Variants in WDFY4 observed in about 807,000 individuals in gnomAD.
WDFY4 encodes the protein WDFY family member 4.
WDFY4 carries 169 observed loss-of-function variants against 351.9 expected under a neutral mutation model. The observed-to-expected ratio is 0.48, with a 90% CI of 0.42 to 0.55. The LOEUF is 0.55. Among genes scored for constraint, WDFY4 ranks in the 20% least tolerant of loss-of-function variants. The pLI, the probability that WDFY4 is intolerant of heterozygous loss-of-function variation, is 0.00. For synonymous variants in WDFY4, 1,622 were observed against 1,574.6 expected, an observed-to-expected ratio of 1.03 and a Z score of -0.71; for missense variants, 3,803 against 3,935.6, an observed-to-expected ratio of 0.97 and a Z score of 0.90.
At chr10:48,842,189 C>T (rs2068629497) in intron 39 of WDFY4, among the ~76,000 whole-genome samples, 2 of 151,874 alleles carry the variant, frequency 1.3e-5, no homozygotes, top group East Asian at 1.9e-4. Context: ...AGAGACTGTC[C>T]TTTGTCCCCT....
chr10:48,780,916 T>C (rs1450378643), intron 19 of WDFY4, among the ~76,000 whole-genome samples: 1 of 152,222 alleles, frequency 6.6e-6, no homozygotes, highest in Non-Finnish European at 1.5e-5. Context: ...GACAACTTAC[T>C]AATGTTTGTA....
chr10:48,848,707 C>A (rs35085842), intron 39 of WDFY4, among the ~76,000 whole-genome samples: 19,479 of 152,168 alleles, frequency 0.13, 1,370 homozygotes, highest in Middle Eastern at 0.21. Context: ...CTGATTTTGG[C>A]GGGCTGGTGG....
chr10:48,717,164 T>G (rs2063936772), intron 2 of WDFY4, among the ~76,000 whole-genome samples: 1 of 152,236 alleles, frequency 6.6e-6, no homozygotes, highest in Admixed American at 6.5e-5. Flanking sequence ...GGAAGTGTAA[T>G]GCATAGTGTA....
intron 35 of WDFY4, chr10:48,823,104 A>G: frequency 7.8e-7 from 1 of 1,287,878 alleles, no homozygotes. Context: ...AGGTGTATGT[A>G]TGTGCATGCA....
intron 31 of WDFY4, among the ~76,000 whole-genome samples, chr10:48,814,674 G>A (rs1457772865): frequency 2.6e-5 from 4 of 152,204 alleles, no homozygotes; most frequent in Admixed American, 2.6e-4. Context: ...CATCCTGTAG[G>A]CACCAAAGGC....
chr10:48,967,750 T>A (rs994368350), intron 55 of WDFY4: 2 of 152,246 alleles, frequency 1.3e-5, no homozygotes, highest in Admixed American at 6.5e-5. Flanking sequence ...GCCAGTGTCA[T>A]CTGAGGACAT....
At chr10:48,778,979 T>A (rs757365974) in intron 18 of WDFY4, 147 bp downstream of exon 18, 1 of 843,202 alleles carries the variant, frequency 1.2e-6, no homozygotes, top group Non-Finnish European at 1.8e-6. Flanking sequence ...GTTCCATACC[T>A]GGTGAAAGGT....
At chr10:48,965,352 C>G (rs927620340) in intron 54 of WDFY4, among the ~76,000 whole-genome samples, 3 of 152,158 alleles carry the variant, frequency 2.0e-5, no homozygotes, top group African/African-American at 7.2e-5. Context: ...AGTCTGAAGA[C>G]AAGATTGCAG....
Position 48,709,854 on chromosome 10 carries a change from C to G in WDFY4, c.122C>G (p.Thr41Arg). 2 of 1,551,922 alleles carry G rather than the reference C, an allele frequency of 1.3e-6. No individual in the cohort carries two copies. Among genetic ancestry groups the G allele is most frequent in the Non-Finnish European group, 1.7e-6 (2 of 1,147,040 alleles). The stretch of plus-strand genomic sequence containing the variant: ...CATGGAGGGCAGTCCTCCAGCCCCA[C>G]AGCTCTCTGGGACATGCTGGAAAGG... ...VPHGGQSSSP[T>R]ALWDMLERKF... The change falls in exon 2 of 62, where the codon ACA (threonine) becomes AGA (arginine). Residue 41 changes from threonine (T) to arginine (R), a missense_variant. Thr to Arg is a moderately conservative substitution (Grantham distance 71). Transcript: ENST00000325239.
intron 11 of WDFY4, among the ~76,000 whole-genome samples, chr10:48,736,496 T>C (rs2064672679): frequency 6.6e-6 from 1 of 152,258 alleles, no homozygotes; most frequent in Admixed American, 6.5e-5. Context: ...TTTCCCTGGC[T>C]AGGCAGCTAC....
chr10:48,959,682 T>C (rs1206091609), intron 52 of WDFY4, 40 bp from the exon 53 acceptor site: 1 of 1,538,444 alleles, frequency 6.5e-7, no homozygotes, highest in Admixed American at 2.0e-5. Flanking sequence ...CTAGCCTGAT[T>C]TGAGTTACCC....
intron 39 of WDFY4, among the ~76,000 whole-genome samples, chr10:48,847,163 C>T (rs555528640): frequency 2.6e-4 from 39 of 152,258 alleles, no homozygotes; most frequent in African/African-American, 8.9e-4. Flanking sequence ...CCCCTGAGGC[C>T]TCTTTTCTGG....
At chr10:48,828,996 C>A in intron 37 of WDFY4, 100 bp downstream of exon 37, 1 of 678,650 alleles carries the variant, frequency 1.5e-6, no homozygotes, top group South Asian at 2.0e-5. Context: ...TTCAGTTCGT[C>A]CTTCCCGAAA....
intron 39 of WDFY4, among the ~76,000 whole-genome samples, chr10:48,835,832 A>G (rs2068371213): frequency 6.6e-6 from 1 of 152,200 alleles, no homozygotes; most frequent in Non-Finnish European, 1.5e-5. Flanking sequence ...TAAAAGACAC[A>G]TTATTTTGGA....
intron 17 of WDFY4, among the ~76,000 whole-genome samples, chr10:48,778,153 G>A (rs1048230099): frequency 3.9e-5 from 6 of 152,240 alleles, no homozygotes; most frequent in African/African-American, 1.4e-4. Flanking sequence ...TGGGATCATG[G>A]GTGCTGGGGA....
intron 40 of WDFY4, among the ~76,000 whole-genome samples, chr10:48,871,355 C>G (rs1313726280): frequency 1.3e-5 from 2 of 152,188 alleles, no homozygotes; most frequent in African/African-American, 4.8e-5. Context: ...AATGTCACTA[C>G]AATCTCCAGG....
intron 24 of WDFY4, 72 bp downstream of exon 24, chr10:48,796,522 C>A (rs1029538890): frequency 2.7e-6 from 4 of 1,493,484 alleles, no homozygotes; most frequent in South Asian, 1.3e-5. Context: ...TGGGCTTTCC[C>A]CTAAACCTAG....
intron 28 of WDFY4, among the ~76,000 whole-genome samples, chr10:48,810,203 G>T (rs1020517257): frequency 7.9e-5 from 12 of 152,192 alleles, no homozygotes; most frequent in African/African-American, 2.4e-4. Flanking sequence ...TGGGTGGCTA[G>T]TCATCCACTG....
At position 48,741,686 on chromosome 10, in the gene WDFY4, C is replaced by G. The variant is rs574147764; in HGVS notation, c.1879-1282C>G. 2.8e-4 allele frequency among the ~76,000 whole-genome samples: 42 copies of G among 152,302 alleles called. No individual in the cohort carries two copies. The South Asian group carries it at 8.5e-3, about 31-fold the overall frequency. ...TTAAGTCACAGCATCACCCCTCCCC[C>G]AGATAGGGAGTGTCTATTTTATTTT... On this transcript the variant is annotated intron_variant, in intron 11 of 61. Coordinates refer to ENST00000325239, the MANE Select transcript of WDFY4 (RefSeq NM_001394531.1).
Sources: allele counts gnomAD v4.1 joint callset (sites outside exome capture counted in the v4.1 genomes callset), GRCh38; gene constraint gnomAD v4.1.1; transcripts MANE v1.5; gene names NCBI Gene and HGNC (gene_info 2026-07-23, HGNC 2026-07-21).